The following BCAS4 variants were observed in gnomAD, a reference collection of about 807,000 sequenced individuals.
BCAS4 encodes the protein breast carcinoma amplified sequence 4, also known as breast carcinoma-amplified sequence 4.
BCAS4 carries 9 observed loss-of-function variants against 15.7 expected under a neutral mutation model. That is an observed-to-expected ratio of 0.57 (90% CI 0.34 to 1.00). The LOEUF (loss-of-function observed/expected upper bound fraction) is 1.00, where lower values mean the gene tolerates loss of function less well. Ranked by LOEUF, BCAS4 falls within the 50% of genes least tolerant of loss-of-function variation. BCAS4 has a pLI of 0.02. For synonymous variants in BCAS4, 101 were observed against 99.5 expected (o/e 1.02, Z -0.09); for missense variants, 225 against 239.1 (o/e 0.94, Z 0.39).
At chr20:50,800,157 C>T (rs1467577230) in intron 1 of BCAS4, among the ~76,000 whole-genome samples, 2 of 152,152 alleles carry the variant, frequency 1.3e-5, no homozygotes. Flanking sequence ...CATAGAGACT[C>T]AGGAGGGTGA....
chr20:50,837,999 T>C (rs1195262749), intron 3 of BCAS4, among the ~76,000 whole-genome samples: 7 of 143,784 alleles, frequency 4.9e-5, no homozygotes, highest in Admixed American at 6.9e-5. Context: ...CATCTGCACA[T>C]ACACACACAC....
At chr20:50,856,133 G>A (rs144727478) in intron 4 of BCAS4, among the ~76,000 whole-genome samples, 39 of 152,316 alleles carry the variant, frequency 2.6e-4, no homozygotes, top group African/African-American at 7.9e-4. Context: ...GTGTCAGAAC[G>A]CAGGTTCTGG....
At chr20:50,861,410 G>T (rs1260103286) in intron 4 of BCAS4, among the ~76,000 whole-genome samples, 4 of 152,256 alleles carry the variant, frequency 2.6e-5, no homozygotes, top group Admixed American at 2.6e-4. Context: ...TGGGCCTGGG[G>T]TGGAGGGGCT....
At chr20:50,817,911 C>G (rs2088160251) in intron 1 of BCAS4, among the ~76,000 whole-genome samples, 1 of 152,002 alleles carries the variant, frequency 6.6e-6, no homozygotes, top group African/African-American at 2.4e-5. Context: ...CCTCCGTGTC[C>G]TCATCTGTAC....
At chr20:50,859,405 A>G (rs956605899) in intron 4 of BCAS4, among the ~76,000 whole-genome samples, 1 of 152,218 alleles carries the variant, frequency 6.6e-6, no homozygotes, top group African/African-American at 2.4e-5. Flanking sequence ...GGCCCTGGCG[A>G]TGGCCTAGTG....
rs7268543 is a variant in BCAS4, at chr20:50,821,232, C to T, written c.162+2950C>T. ...AAGTAAAGCCAGACCAAGAGGATCC[C>T]ATGTTCCAAGAAATGGAAGAGAACA... On this transcript the variant is annotated intron_variant, in intron 2 of 4. Coordinates refer to ENST00000371608, the MANE Select transcript of BCAS4 (RefSeq NM_198799.4). Among the ~76,000 whole-genome samples the T allele has an allele frequency of 8.8e-4, 134 of 152,330 alleles. 1 individual carries two copies. Among genetic ancestry groups the T allele is most frequent in the African/African-American group, 3.2e-3 (131 of 41,572 alleles).
intron 4 of BCAS4, among the ~76,000 whole-genome samples, chr20:50,842,531 C>T (rs2088497665): frequency 6.6e-6 from 1 of 152,182 alleles, no homozygotes. Flanking sequence ...GATTCTCCTA[C>T]CTCAGCCTCC....
chr20:50,840,732 A>C (rs16995521), intron 3 of BCAS4: 1 of 1,611,462 alleles, frequency 6.2e-7, no homozygotes, highest in Non-Finnish European at 8.5e-7. Context: ...TCTCAGCCAT[A>C]TCGGATTTGT....
At chr20:50,848,417 A>G (rs1405537537) in intron 4 of BCAS4, among the ~76,000 whole-genome samples, 1 of 152,202 alleles carries the variant, frequency 6.6e-6, no homozygotes, top group African/African-American at 2.4e-5. Context: ...GCCATTGCAG[A>G]ATCTCTGCAA....
At chr20:50,864,434 G>T (rs530878225) in intron 4 of BCAS4, among the ~76,000 whole-genome samples, 33 of 135,134 alleles carry the variant, frequency 2.4e-4, no homozygotes, top group African/African-American at 1.0e-3. Flanking sequence ...TATTGATCAT[G>T]ATTGATTTTT....
Position 50,796,472 on chromosome 20 carries a change from TA to T in BCAS4, c.90+1300del, listed in dbSNP as rs1569013137. Among the ~76,000 whole-genome samples the T allele has an allele frequency of 9.7e-3, 125 of 12,904 alleles. 1 individual carries two copies. Among genetic ancestry groups the T allele is most frequent in the African/African-American group, 0.033 (108 of 3,238 alleles). 8.5% of individuals were successfully genotyped at this position (12,904 alleles called of 152,430 possible). A position where few individuals can be genotyped will look rare whatever the true frequency, so the allele number is the denominator to read the frequency against. On this transcript the variant is annotated intron_variant, in intron 1 of 4. Transcript: ENST00000371608. Reference sequence around the variant, plus strand: ...TTCTCCATATATATATATATATATATATATATATATATATATTTTTTTTTTT... The same window carrying T: ...TTCTCCATATATATATATATATATATTATATATATATATATTTTTTTTTTT...
chr20:50,861,696 C>G (rs1979078222), intron 4 of BCAS4, among the ~76,000 whole-genome samples: 1 of 152,108 alleles, frequency 6.6e-6, no homozygotes, highest in Non-Finnish European at 1.5e-5. Flanking sequence ...CCATCTCCCC[C>G]CGCTCCAGCC....
chr20:50,860,925 G>T (rs185511997), intron 4 of BCAS4, among the ~76,000 whole-genome samples: 86 of 151,764 alleles, frequency 5.7e-4, no homozygotes, highest in African/African-American at 2.0e-3. Flanking sequence ...AGCCCAGGAG[G>T]TTGAGGCTGC....
intron 4 of BCAS4, among the ~76,000 whole-genome samples, chr20:50,854,000 G>A (rs552148146): frequency 6.6e-6 from 1 of 152,168 alleles, no homozygotes; most frequent in Non-Finnish European, 1.5e-5. Context: ...AAATTGCCCC[G>A]AGTTAAGGAC....
At chr20:50,879,959 G>C (rs554184594), downstream of BCAS4, 7 of 152,686 alleles carry the variant, frequency 4.6e-5, no homozygotes, top group East Asian at 1.3e-3. Context: ...ATGGGAGGCT[G>C]CTGTTGCAGG....
At chr20:50,847,232 G>A (rs1039619050) in intron 4 of BCAS4, among the ~76,000 whole-genome samples, 1 of 152,046 alleles carries the variant, frequency 6.6e-6, no homozygotes, top group Non-Finnish European at 1.5e-5. Flanking sequence ...GATTACAGGC[G>A]CGCACCACAA....
chr20:50,853,445 C>T (rs565370745), intron 4 of BCAS4, among the ~76,000 whole-genome samples: 8 of 152,210 alleles, frequency 5.3e-5, no homozygotes, highest in African/African-American at 1.9e-4. Flanking sequence ...CAGCCAACAC[C>T]CCCCTTTCTA....
At chr20:50,822,050 C>T (rs552659162) in intron 2 of BCAS4, among the ~76,000 whole-genome samples, 1 of 152,294 alleles carries the variant, frequency 6.6e-6, no homozygotes, top group South Asian at 2.1e-4. Context: ...ATTTTGTGGG[C>T]TAGAGCAGGG....
chr20:50,837,781 C>T (rs1030099720), intron 3 of BCAS4, among the ~76,000 whole-genome samples: 5 of 152,228 alleles, frequency 3.3e-5, no homozygotes, highest in African/African-American at 1.2e-4. Context: ...GTACACATTC[C>T]TCAGCTTCGC....
Sources: gnomAD v4.1 joint callset for allele counts (sites outside exome capture counted in the v4.1 genomes callset) on GRCh38, gnomAD v4.1.1 for gene constraint, MANE v1.5 for transcripts, NCBI Gene and HGNC (gene_info 2026-07-23, HGNC 2026-07-21) for gene names.